Variants in ANO3 observed in about 807,000 individuals in gnomAD.
The protein encoded by ANO3 is anoctamin-3.
Under a neutral mutation model 144.8 loss-of-function variants are expected in ANO3, and 99 were observed. The ratio of observed to expected loss-of-function variants is 0.68; its 90% CI spans 0.58 to 0.81. The LOEUF is 0.81. ANO3 is among the 30% of genes least tolerant of loss of function. The probability of loss-of-function intolerance (pLI) is 0.00; values close to 1 mark genes in which losing one functional copy is unlikely to be tolerated. For missense variants in ANO3, 905 were observed against 1,202.2 expected, an observed-to-expected ratio of 0.75 and a Z score of 3.66; for synonymous variants, 414 against 392.6, an observed-to-expected ratio of 1.05 and a Z score of -0.64.
At chr11:26,266,911 C>T (rs1390863651) in intron 1 of ANO3, among the ~76,000 whole-genome samples, 16 of 150,382 alleles carry the variant, frequency 1.1e-4, no homozygotes, top group Non-Finnish European at 1.9e-4. Flanking sequence ...GAAACCCCGT[C>T]TCTACTAAAA....
intron 1 of ANO3, among the ~76,000 whole-genome samples, chr11:26,284,823 T>G (rs1186462921): frequency 1.3e-5 from 2 of 152,042 alleles, no homozygotes; most frequent in Non-Finnish European, 2.9e-5. Flanking sequence ...GAAGATGACG[T>G]GAACCTGGGA....
intron 1 of ANO3, among the ~76,000 whole-genome samples, chr11:26,364,417 G>A (rs956766821): frequency 1.3e-4 from 20 of 152,096 alleles, no homozygotes; most frequent in African/African-American, 3.6e-4. Flanking sequence ...AAATCTCCCC[G>A]GGTTAGGCCA....
intron 14 of ANO3, among the ~76,000 whole-genome samples, chr11:26,589,153 G>A (rs1365879594): frequency 6.6e-6 from 1 of 152,134 alleles, no homozygotes; most frequent in Non-Finnish European, 1.5e-5. Flanking sequence ...TTTGGTCCTG[G>A]CTCTGCCATT....
chr11:26,508,352 T>C, intron 5 of ANO3, 90 bp downstream of exon 5: 1 of 1,203,962 alleles, frequency 8.3e-7, no homozygotes, highest in Non-Finnish European at 1.1e-6. Flanking sequence ...ATGTATCACA[T>C]GACTTTATAA....
intron 1 of ANO3, among the ~76,000 whole-genome samples, chr11:26,250,898 C>G (rs1004552026): frequency 6.6e-6 from 1 of 152,114 alleles, no homozygotes; most frequent in Non-Finnish European, 1.5e-5. Context: ...CCTAGCCTAC[C>G]TTAAACATGC....
chr11:26,387,028 A>G (rs1856751726), intron 1 of ANO3, among the ~76,000 whole-genome samples: 1 of 152,034 alleles, frequency 6.6e-6, no homozygotes, highest in African/African-American at 2.4e-5. Flanking sequence ...GCAGCTCTGA[A>G]AAGACTCGGA....
intron 10 of ANO3, among the ~76,000 whole-genome samples, chr11:26,538,709 G>C (rs1440530948): frequency 2.0e-5 from 3 of 152,074 alleles, no homozygotes; most frequent in African/African-American, 7.2e-5. Flanking sequence ...TTATAAATAA[G>C]TTATAAGTAT....
chr11:26,381,363 T>G (rs1446201200), intron 1 of ANO3, among the ~76,000 whole-genome samples: 1 of 152,196 alleles, frequency 6.6e-6, no homozygotes, highest in Non-Finnish European at 1.5e-5. Flanking sequence ...CTATTTCCCT[T>G]TCCTAGAATG....
intron 17 of ANO3, among the ~76,000 whole-genome samples, chr11:26,605,872 T>TA (rs1270301768): frequency 2.2e-5 from 3 of 137,372 alleles, no homozygotes; most frequent in African/African-American, 7.7e-5. Context: ...TGTTAATCTT[T>TA]TAAAAAAAAA....
intron 4 of ANO3, among the ~76,000 whole-genome samples, chr11:26,481,764 AGTT>A (rs1860227231): frequency 6.6e-6 from 1 of 152,332 alleles, no homozygotes; most frequent in African/African-American, 2.4e-5. Flanking sequence ...ATTAGGGATC[AGTT>A]GTTGTTTTGG....
chr11:26,455,182 C>G (rs1859104478), intron 3 of ANO3, among the ~76,000 whole-genome samples: 1 of 150,478 alleles, frequency 6.6e-6, no homozygotes, highest in Non-Finnish European at 1.5e-5. Context: ...GATGCCCTCT[C>G]TCACCACTCC....
intron 17 of ANO3, among the ~76,000 whole-genome samples, chr11:26,605,113 T>C (rs999588442): frequency 5.3e-5 from 8 of 152,182 alleles, no homozygotes; most frequent in African/African-American, 1.9e-4. Flanking sequence ...TATTGAGAGT[T>C]TTTAACCTGA....
intron 1 of ANO3, among the ~76,000 whole-genome samples, chr11:26,365,132 C>T (rs989740206): frequency 2.6e-5 from 4 of 152,236 alleles, no homozygotes; most frequent in African/African-American, 9.6e-5. Context: ...GTTTGAAACA[C>T]AGCAGGGCAC....
upstream of ANO3, among the ~76,000 whole-genome samples, chr11:26,328,783 T>C (rs1289997539): frequency 6.6e-6 from 1 of 152,044 alleles, no homozygotes; most frequent in Non-Finnish European, 1.5e-5. Context: ...GGTATATGGG[T>C]AGGGGGGTTG....
intron 1 of ANO3, among the ~76,000 whole-genome samples, chr11:26,294,477 T>C (rs1158678760): frequency 6.6e-6 from 1 of 152,136 alleles, no homozygotes; most frequent in Non-Finnish European, 1.5e-5. Flanking sequence ...TATATATTCA[T>C]TGTGGAATGC....
intron 13 of ANO3, among the ~76,000 whole-genome samples, chr11:26,558,317 G>A (rs116070773): frequency 1.1e-3 from 165 of 152,182 alleles, no homozygotes; most frequent in African/African-American, 3.9e-3. Flanking sequence ...CATGTGTAAA[G>A]TCTGTTCTAA....
chr11:26,225,806 C>T (rs1269241134), intron 1 of ANO3, among the ~76,000 whole-genome samples: 2 of 152,118 alleles, frequency 1.3e-5, no homozygotes, highest in Admixed American at 1.3e-4. Context: ...AGTGAAGCAA[C>T]ATAGAAAATG....
chr11:26,521,541 A>T (rs1235720620), intron 6 of ANO3, among the ~76,000 whole-genome samples: 3 of 152,188 alleles, frequency 2.0e-5, no homozygotes, highest in Non-Finnish European at 4.4e-5. Flanking sequence ...TTTTCTTTAA[A>T]GTAAATATGA....
intron 1 of ANO3, among the ~76,000 whole-genome samples, chr11:26,431,579 G>A (rs962171415): frequency 7.9e-5 from 12 of 152,082 alleles, no homozygotes; most frequent in Middle Eastern, 3.2e-3. Context: ...CAAATAGACC[G>A]CAGCGTCTGT....
Sources: gnomAD v4.1 joint callset for allele counts (sites outside exome capture counted in the v4.1 genomes callset) on GRCh38, gnomAD v4.1.1 for gene constraint, MANE v1.5 for transcripts, NCBI Gene and HGNC (gene_info 2026-07-23, HGNC 2026-07-21) for gene names.